The following GYPC variants were observed in gnomAD, a reference collection of about 807,000 sequenced individuals.
GYPC encodes glycophorin-C.
A neutral mutation model predicts 12.6 loss-of-function variants in GYPC; 14 were observed. The observed-to-expected ratio is 1.11, with a 90% CI of 0.74 to 1.74. GYPC has a LOEUF of 1.74. Among genes scored for constraint, GYPC ranks in the 40% most tolerant of loss-of-function variants. The probability of loss-of-function intolerance (pLI) is 0.00; values close to 1 mark genes in which losing one functional copy is unlikely to be tolerated. For missense variants in GYPC, 225 were observed against 172.1 expected (o/e 1.31, Z -1.72); for synonymous variants, 78 against 62.1 (o/e 1.26, Z -1.20).
At chr2:126,660,716 C>A (rs935242846) in intron 1 of GYPC, among the ~76,000 whole-genome samples, 2 of 152,158 alleles carry the variant, frequency 1.3e-5, no homozygotes, top group African/African-American at 4.8e-5. Flanking sequence ...ATTCCAATAC[C>A]AAAAGAGCCT....
chr2:126,690,420 A>C (rs1683426447), intron 2 of GYPC, 109 bp downstream of exon 2: 1 of 842,508 alleles, frequency 1.2e-6, no homozygotes, highest in South Asian at 1.4e-5. Flanking sequence ...TGGTGAAAAC[A>C]TCCAGGGGAG....
intron 1 of GYPC, among the ~76,000 whole-genome samples, chr2:126,660,689 C>G (rs1390776402): frequency 6.6e-6 from 1 of 152,160 alleles, no homozygotes; most frequent in Non-Finnish European, 1.5e-5. Context: ...AAGGCCCACG[C>G]TCCCAGGACT....
chr2:126,674,166 C>G (rs1682928086), intron 1 of GYPC, among the ~76,000 whole-genome samples: 1 of 152,330 alleles, frequency 6.6e-6, no homozygotes, highest in South Asian at 2.1e-4. Flanking sequence ...GGAAATGGCT[C>G]CTCCACCCAG....
intron 1 of GYPC, among the ~76,000 whole-genome samples, chr2:126,673,103 A>G (rs1682895185): frequency 6.6e-6 from 1 of 151,978 alleles, no homozygotes; most frequent in Non-Finnish European, 1.5e-5. Flanking sequence ...CATCTGCTTG[A>G]TGTGATGAAC....
At chr2:126,683,270 A>T (rs937832588) in intron 1 of GYPC, among the ~76,000 whole-genome samples, 2 of 152,034 alleles carry the variant, frequency 1.3e-5, no homozygotes, top group African/African-American at 2.4e-5. Context: ...CAGTGAGTCT[A>T]GGTCACGCCA....
chr2:126,688,249 G>A (rs367831463), intron 1 of GYPC, among the ~76,000 whole-genome samples: 7 of 152,284 alleles, frequency 4.6e-5, no homozygotes, highest in African/African-American at 1.7e-4. Context: ...TCTTTACCTG[G>A]AAAATTTCTA....
chr2:126,656,358 C>A, intron 1 of GYPC, 46 bp downstream of exon 1: 2 of 1,512,668 alleles, frequency 1.3e-6, no homozygotes, highest in African/African-American at 2.8e-5. Flanking sequence ...CACTGGAGGC[C>A]GCGGCCCGCA....
intron 1 of GYPC, among the ~76,000 whole-genome samples, chr2:126,678,094 C>T (rs1279068139): frequency 6.6e-6 from 1 of 152,082 alleles, no homozygotes; most frequent in Non-Finnish European, 1.5e-5. Flanking sequence ...TGGTGGCACG[C>T]ACCTGTAATC....
At chr2:126,673,995 C>A (rs976494332) in intron 1 of GYPC, among the ~76,000 whole-genome samples, 1 of 152,204 alleles carries the variant, frequency 6.6e-6, no homozygotes, top group African/African-American at 2.4e-5. Flanking sequence ...GAGACCCTGT[C>A]TCTGAATAGA....
chr2:126,662,063 C>G (rs1228950797), intron 1 of GYPC, among the ~76,000 whole-genome samples: 1 of 152,244 alleles, frequency 6.6e-6, no homozygotes, highest in Non-Finnish European at 1.5e-5. Flanking sequence ...GGCTCAGGCA[C>G]AGGGTCTCCA....
chr2:126,692,972 C>T (rs28369029), intron 2 of GYPC, among the ~76,000 whole-genome samples: 2 of 152,046 alleles, frequency 1.3e-5, no homozygotes, highest in South Asian at 2.1e-4. Context: ...CACCAGGCAC[C>T]TCATAGGATG....
intron 1 of GYPC, chr2:126,679,653 G>GTTT (rs1683101553): frequency 6.6e-6 from 1 of 152,158 alleles, no homozygotes; most frequent in Non-Finnish European, 1.5e-5. Flanking sequence ...CGAGGCGGGT[G>GTTT]GATCACCTGA....
chr2:126,690,724 C>T (rs1320681188), intron 2 of GYPC, among the ~76,000 whole-genome samples: 1 of 152,080 alleles, frequency 6.6e-6, no homozygotes, highest in Non-Finnish European at 1.5e-5. Context: ...ACATTATTTT[C>T]TTCCCTGGGT....
Position 126,695,993 on chromosome 2 carries a change from A to G in GYPC, c.238A>G (p.Met80Val). 2 of 1,614,124 alleles carry G rather than the reference A, an allele frequency of 1.2e-6. No homozygotes were observed. The highest frequency in any genetic ancestry group is 1.7e-6 in the Non-Finnish European group (2 of 1,180,010). Residue 80 changes from methionine to valine, a missense_variant, in exon 4 of 4, where the codon ATG (methionine) becomes GTG (valine). Coordinates refer to ENST00000259254, the MANE Select transcript of GYPC (RefSeq NM_002101.5). ...CGTCCTAGTCTCCCTCCTCTTCGTC[A>G]TGCTGCGCTACATGTACCGGCACAA... ...AIVLVSLLFVMLRYMYRHKGT... is the reference protein window; with the variant it reads ...AIVLVSLLFVVLRYMYRHKGT...
At chr2:126,689,235 G>A (rs1683380703) in intron 1 of GYPC, among the ~76,000 whole-genome samples, 1 of 152,080 alleles carries the variant, frequency 6.6e-6, no homozygotes, top group Non-Finnish European at 1.5e-5. Flanking sequence ...GAGAGAAAGT[G>A]CACTCCAGAG....
At chr2:126,684,501 A>G (rs1293117818) in intron 1 of GYPC, among the ~76,000 whole-genome samples, 1 of 152,068 alleles carries the variant, frequency 6.6e-6, no homozygotes, top group Non-Finnish European at 1.5e-5. Flanking sequence ...CCACACTGGC[A>G]TTGCCCACCC....
intron 1 of GYPC, among the ~76,000 whole-genome samples, chr2:126,666,246 G>T (rs796257703): frequency 6.6e-6 from 1 of 152,158 alleles, no homozygotes; most frequent in African/African-American, 2.4e-5. Flanking sequence ...CACTACAGGG[G>T]CACTGGGAGA....
Position 126,696,019 on chromosome 2 carries a change from G to A in GYPC, c.264G>A (p.Lys88=). 6.2e-7 allele frequency: 1 copy of A among 1,614,150 alleles called. No individual in the cohort carries two copies. Among genetic ancestry groups the A allele is most frequent in the Non-Finnish European group, 8.5e-7 (1 of 1,179,976 alleles). ...TGCTGCGCTACATGTACCGGCACAAGGGCACGTACCACACCAATGAGGCCA... is the reference window on the plus strand; with the variant it reads ...TGCTGCGCTACATGTACCGGCACAAAGGCACGTACCACACCAATGAGGCCA... ...FVMLRYMYRH[K]GTYHTNEAKG... Residue 88 remains lysine (K), a synonymous_variant, in exon 4 of 4, where the codon AAG becomes AAA. Transcript: ENST00000259254.
intron 1 of GYPC, among the ~76,000 whole-genome samples, chr2:126,670,690 A>G (rs6709239): frequency 0.79 from 119,950 of 152,064 alleles, 47,451 homozygotes; most frequent in Admixed American, 0.81. Context: ...GAAGTCCCAG[A>G]CCTAGCACGG....
Sources: allele counts gnomAD v4.1 joint callset (sites outside exome capture counted in the v4.1 genomes callset), GRCh38; gene constraint gnomAD v4.1.1; transcripts MANE v1.5; gene names NCBI Gene and HGNC (gene_info 2026-07-23, HGNC 2026-07-21).